VPS13C: variants seen among roughly 807,000 people sequenced by gnomAD.
The protein encoded by VPS13C is vacuolar protein sorting 13 homolog C, also known as intermembrane lipid transfer protein VPS13C.
In VPS13C, 358 loss-of-function variants were observed where a neutral mutation model predicts 456.8. The ratio of observed to expected loss-of-function variants is 0.78; its 90% CI spans 0.72 to 0.86. VPS13C has a LOEUF of 0.86. Among genes scored for constraint, VPS13C ranks in the 40% least tolerant of loss-of-function variants. VPS13C has a pLI of 0.00. For missense variants in VPS13C, 4,818 were observed against 4,385.4 expected, an observed-to-expected ratio of 1.10 and a Z score of -2.79; for synonymous variants, 1,578 against 1,486.7, an observed-to-expected ratio of 1.06 and a Z score of -1.41.
At chr15:61,961,984 T>C in intron 34 of VPS13C, 91 bp from the exon 35 acceptor site, 1 of 1,389,452 alleles carries the variant, frequency 7.2e-7, no homozygotes, top group Non-Finnish European at 9.6e-7. Flanking sequence ...GTGGTAACTT[T>C]TTTTTTCCAA....
At position 61,874,862 on chromosome 15, in the gene VPS13C, T is replaced by A; in HGVS notation, c.10414+14A>T. 6.4e-7 allele frequency: 1 copy of A among 1,567,012 alleles called. No individual in the cohort carries two copies. The highest frequency in any genetic ancestry group is 8.6e-7 in the Non-Finnish European group (1 of 1,161,430). ...TAAAAAATATACACATATACACAAA[T>A]ATGTGATACATACCTACTGTGTGTC... On this transcript the variant is annotated intron_variant, in intron 77 of 84. Coordinates refer to ENST00000644861, the MANE Select transcript of VPS13C (RefSeq NM_020821.3).
Position 61,907,362 on chromosome 15 carries a change from G to C in VPS13C, c.9007C>G (p.Pro3003Ala), listed in dbSNP as rs1157814484. ...CAGGCAAAAAGTCGAGCCTGTCTTG[G>C]CAGCAAGACCATTTCTTCTGGTGAC... is the stretch of plus-strand genomic sequence containing the variant. ...SGSPEEMVLL[P>A]RQARLFAWAD... is the part of the protein sequence containing the mutation. The change falls in exon 66 of 85, where the codon CCA becomes GCA. Residue 3003 changes from proline (P) to alanine (A), a missense_variant. This residue lies in a region of VPS13C where 4,552 missense variants were observed against 4,130.6 expected (regional missense o/e 1.10). Transcript: ENST00000644861. The C allele has an allele frequency of 6.2e-7, 1 of 1,613,856 alleles. No homozygotes were observed. Among genetic ancestry groups the C allele is most frequent in the African/African-American group, 1.3e-5 (1 of 74,924 alleles).
At chr15:61,883,346 T>C (rs1356742458) in intron 68 of VPS13C, among the ~76,000 whole-genome samples, 1 of 151,970 alleles carries the variant, frequency 6.6e-6, no homozygotes, top group Non-Finnish European at 1.5e-5. Context: ...CCAAAGATAA[T>C]TCTAAACAAA....
In VPS13C at chr15:61,972,518, C is replaced by A. The variant is rs964765389; in HGVS notation, c.2757+107G>T. 4.1e-6 allele frequency: 5 copies of A among 1,229,772 alleles called. No homozygotes were observed. The African/African-American group carries it at 6.0e-5, about 15-fold the overall frequency. 76.2% of individuals were successfully genotyped at this position (1,229,772 alleles called of 1,614,324 possible). ...CATGTGTGTTGGGCAGCAGGAAAGA[C>A]AGAGTACCACATTTTTAATATACTT... On this transcript the variant is annotated intron_variant, in intron 27 of 84. Transcript: ENST00000644861.
At position 61,942,204 on chromosome 15, in the gene VPS13C, G is replaced by C. The variant is rs139496925; in HGVS notation, c.5149-137C>G. ...ATTTATGATTTTGTGTATGTAGAGA[G>C]TGAAGTCTAGAAACATACACTCTGA... On this transcript the variant is annotated intron_variant, in intron 45 of 84. Transcript: ENST00000644861. 941 of 747,066 alleles carry C rather than the reference G, an allele frequency of 1.3e-3. 10 individuals carry two copies. In the Admixed American group the frequency reaches 0.014, roughly 11 times the overall value. The allele number at this position is 747,066 out of a possible 1,614,324, so 46.3% of individuals were successfully genotyped here.
In VPS13C at chr15:61,963,970, A is replaced by G. The variant is rs752567773; in HGVS notation, c.3215-19T>C. On this transcript the variant is annotated intron_variant, in intron 31 of 84. Transcript: ENST00000644861. ...ACAATCGCTAAAAATAAAACAAAGC[A>G]TCTGTCACATGGTGAGATTCTAGTC... The G allele has an allele frequency of 3.4e-6, 5 of 1,474,340 alleles. No individual in the cohort carries two copies. Among genetic ancestry groups the G allele is most frequent in the Non-Finnish European group, 4.7e-6 (5 of 1,057,332 alleles). The allele number at this position is 1,474,340 out of a possible 1,614,324, so 91.3% of individuals were successfully genotyped here. A position where few individuals can be genotyped will look rare whatever the true frequency, so the allele number is the denominator to read the frequency against.
At chr15:61,929,365 A>G in intron 51 of VPS13C, 136 bp downstream of exon 51, 1 of 1,238,086 alleles carries the variant, frequency 8.1e-7, no homozygotes, top group South Asian at 1.8e-5. Context: ...CTAAAAAGCT[A>G]AAGTTTTTAT....
At chr15:61,963,138 C>T (rs377168843) in intron 32 of VPS13C, among the ~76,000 whole-genome samples, 13 of 152,104 alleles carry the variant, frequency 8.5e-5, no homozygotes, top group African/African-American at 3.1e-4. Flanking sequence ...ACCTTATATC[C>T]AGTCATTTAC....
chr15:62,048,925 C>T, intron 1 of VPS13C, among the ~76,000 whole-genome samples: 1 of 151,928 alleles, frequency 6.6e-6, no homozygotes, highest in Admixed American at 6.5e-5. Flanking sequence ...CTGTTCATAT[C>T]CTTTGCCCAC....
At chr15:61,900,218 TC>T (rs1182151821) in intron 66 of VPS13C, among the ~76,000 whole-genome samples, 1 of 152,146 alleles carries the variant, frequency 6.6e-6, no homozygotes, top group African/African-American at 2.4e-5. Flanking sequence ...AGGGATGCCC[TC>T]TCTCACCACT....
intron 15 of VPS13C, among the ~76,000 whole-genome samples, chr15:62,004,940 A>C (rs2046779487): frequency 2.0e-5 from 3 of 152,218 alleles, no homozygotes; most frequent in Admixed American, 2.0e-4. Context: ...TTTACTTCCA[A>C]GTATATGGTC....
intron 43 of VPS13C, 57 bp downstream of exon 43, chr15:61,947,136 A>G: frequency 8.4e-7 from 1 of 1,186,490 alleles, no homozygotes; most frequent in Admixed American, 2.5e-5. Context: ...GTACAAGCTC[A>G]TTTTTCCTAG....
At chr15:61,962,617 T>C in intron 33 of VPS13C, 79 bp from the exon 34 acceptor site, 1 of 1,389,018 alleles carries the variant, frequency 7.2e-7, no homozygotes, top group South Asian at 1.7e-5. Flanking sequence ...AGGCTTTACA[T>C]TTATAATCTT....
At chr15:61,909,574 A>G (rs953264870) in intron 64 of VPS13C, among the ~76,000 whole-genome samples, 9 of 152,240 alleles carry the variant, frequency 5.9e-5, no homozygotes, top group African/African-American at 1.4e-4. Context: ...TTGGCATTAT[A>G]TATTGATATA....
At chr15:61,922,262 A>C in intron 54 of VPS13C, 135 bp downstream of exon 54, 2 of 1,219,448 alleles carry the variant, frequency 1.6e-6, no homozygotes, top group Admixed American at 2.5e-5. Context: ...TACATCGACA[A>C]ATTAAATGTC....
rs180908825 is a variant in VPS13C at position 61,877,703 on chromosome 15, A to G, written c.10143-649T>C. Among the ~76,000 whole-genome samples the G allele has an allele frequency of 1.5e-3, 225 of 152,038 alleles. 1 individual carries two copies. Among genetic ancestry groups the G allele is most frequent in the African/African-American group, 5.3e-3 (220 of 41,560 alleles). On this transcript the variant is annotated intron_variant, in intron 74 of 84. Transcript: ENST00000644861. Reference sequence around the variant, plus strand: ...TTCCACTTATACCAACAGTATTTAAAAAGTACCTATTTCTTAGAACCACCC... The same window carrying G: ...TTCCACTTATACCAACAGTATTTAAGAAGTACCTATTTCTTAGAACCACCC...
At chr15:62,005,915 G>C (rs1314807869) in intron 15 of VPS13C, among the ~76,000 whole-genome samples, 1 of 150,978 alleles carries the variant, frequency 6.6e-6, no homozygotes, top group East Asian at 1.9e-4. Context: ...CGTTGGCCAG[G>C]CTGGTCTCCA....
intron 66 of VPS13C, among the ~76,000 whole-genome samples, chr15:61,895,596 G>C (rs1483052367): frequency 6.6e-6 from 1 of 152,086 alleles, no homozygotes; most frequent in African/African-American, 2.4e-5. Flanking sequence ...GGAAAACACA[G>C]AAGACAGAGA....
chr15:61,917,773 G>T, intron 59 of VPS13C, 138 bp from the exon 60 acceptor site: 1 of 1,013,192 alleles, frequency 9.9e-7, no homozygotes, highest in South Asian at 2.2e-5. Flanking sequence ...AGGAAACCAG[G>T]GCTAAAAAAA....
Sources: gnomAD v4.1 joint callset for allele counts (sites outside exome capture counted in the v4.1 genomes callset) on GRCh38, gnomAD v4.1.1 for gene constraint, gnomAD v4.1.1 regional missense constraint, MANE v1.5 for transcripts, NCBI Gene and HGNC (gene_info 2026-07-23, HGNC 2026-07-21) for gene names.